Variants in FER1L6 observed in about 807,000 individuals in gnomAD.
FER1L6 encodes fer-1-like protein 6.
Under a neutral mutation model 219.2 loss-of-function variants are expected in FER1L6, and 177 were observed. The ratio of observed to expected loss-of-function variants is 0.81; its 90% CI spans 0.71 to 0.91. The LOEUF is 0.91. Among genes scored for constraint, FER1L6 ranks in the 40% least tolerant of loss-of-function variants. The pLI is 0.00. For synonymous variants in FER1L6, 768 were observed against 824.3 expected (o/e 0.93, Z 1.17); for missense variants, 2,153 against 2,259.9 (o/e 0.95, Z 0.96).
rs575255780 is a variant in FER1L6 at position 124,101,248 on chromosome 8, T to C, written c.5035T>C (p.Phe1679Leu). 6.2e-6 allele frequency: 10 copies of C among 1,613,926 alleles called. No homozygotes were observed. In the East Asian group the frequency reaches 2.2e-4, roughly 36 times the overall value. Residue 1679 changes from phenylalanine (F) to leucine (L), a missense_variant, in exon 38 of 41, where the codon TTC becomes CTC. Coordinates refer to ENST00000522917, the MANE Select transcript of FER1L6 (RefSeq NM_001039112.2). ...QMVITKRENI[F>L]SLEKMECKTP... is the part of the protein sequence containing the mutation. The stretch of plus-strand genomic sequence containing the variant: ...GGTCATTACCAAGAGGGAGAACATC[T>C]TCTCTTTAGAGAAGATGGAGTGTAA...
intron 37 of FER1L6, among the ~76,000 whole-genome samples, chr8:124,099,205 A>T (rs375052001): frequency 1.3e-5 from 2 of 152,328 alleles, no homozygotes; most frequent in South Asian, 2.1e-4. Context: ...ACTTCAGTTG[A>T]ATCAAGTAGT....
At chr8:123,976,510 A>T (rs185107740) in intron 9 of FER1L6, among the ~76,000 whole-genome samples, 4,593 of 141,190 alleles carry the variant, frequency 0.033, 156 homozygotes, top group African/African-American at 0.093. Context: ...CTCTGTCTTT[A>T]AAAAAAAAAA....
chr8:123,931,954 T>C (rs1813785995), intron 1 of FER1L6, among the ~76,000 whole-genome samples: 1 of 152,246 alleles, frequency 6.6e-6, no homozygotes, highest in South Asian at 2.1e-4. Context: ...AAAAGAAATC[T>C]TATCTGTAAC....
intron 12 of FER1L6, among the ~76,000 whole-genome samples, chr8:123,987,523 T>G (rs1378222270): frequency 1.3e-5 from 2 of 152,234 alleles, no homozygotes; most frequent in African/African-American, 2.4e-5. Context: ...GCTTTTTAAC[T>G]CGATGTGATC....
At chr8:124,099,083 G>A (rs1046865170) in intron 37 of FER1L6, among the ~76,000 whole-genome samples, 11 of 152,032 alleles carry the variant, frequency 7.2e-5, no homozygotes, top group Admixed American at 2.6e-4. Flanking sequence ...CTTCTTGTCC[G>A]TGTCCTTTGA....
chr8:124,119,977 G>T lies in FER1L6; in HGVS notation c.*187G>T. On this transcript the variant is annotated 3_prime_UTR_variant, in exon 41 of 41. Transcript: ENST00000522917. Reference sequence around the variant, plus strand: ...ACCCCTGCCTCCAAGTTTCAAACTTGTAAGGCATGTTTTATCCCTTGGGCA... The same window carrying T: ...ACCCCTGCCTCCAAGTTTCAAACTTTTAAGGCATGTTTTATCCCTTGGGCA... 1 of 557,986 alleles carries T rather than the reference G, an allele frequency of 1.8e-6. No homozygotes were observed. The highest frequency in any genetic ancestry group is 3.0e-6 in the Non-Finnish European group (1 of 334,960). 34.6% of individuals were successfully genotyped at this position (557,986 alleles called of 1,614,324 possible). A position where few individuals can be genotyped will look rare whatever the true frequency, so the allele number is the denominator to read the frequency against.
intron 16 of FER1L6, among the ~76,000 whole-genome samples, chr8:124,018,087 T>G (rs1166908599): frequency 6.6e-6 from 1 of 152,156 alleles, no homozygotes; most frequent in African/African-American, 2.4e-5. Context: ...TATTGAGAAT[T>G]GTGTTAAAAT....
chr8:123,981,944 A>G (rs1180019353), intron 11 of FER1L6, among the ~76,000 whole-genome samples: 3 of 152,152 alleles, frequency 2.0e-5, no homozygotes, highest in Non-Finnish European at 2.9e-5. Flanking sequence ...CAGTGTCGCT[A>G]TGGTTTTCTC....
At chr8:124,025,419 C>T (rs1818663064) in intron 18 of FER1L6, among the ~76,000 whole-genome samples, 1 of 152,084 alleles carries the variant, frequency 6.6e-6, no homozygotes, top group Non-Finnish European at 1.5e-5. Flanking sequence ...TTCCCAGTAC[C>T]ATTTATTGAT....
chr8:123,973,180 G>C lies in FER1L6; in HGVS notation c.448-254G>C, dbSNP rs192567562. ...AGAGATGGGTGTTGAAGGGTGAGCT[G>C]TACTCAGATTTATTTTGGTTAAAGG... On this transcript the variant is annotated intron_variant, in intron 6 of 40. Coordinates refer to ENST00000522917, the MANE Select transcript of FER1L6 (RefSeq NM_001039112.2). Among the ~76,000 whole-genome samples the C allele has an allele frequency of 2.3e-3, 349 of 152,304 alleles. 3 individuals carry two copies. Among genetic ancestry groups the C allele is most frequent in the Non-Finnish European group, 4.0e-3 (271 of 68,026 alleles).
In FER1L6 at chr8:124,095,148, T is replaced by G. The variant is rs1004611438; in HGVS notation, c.4695+110T>G. The G allele has an allele frequency of 2.1e-6, 3 of 1,408,244 alleles. No homozygotes were observed. The African/African-American group carries it at 4.3e-5, about 20-fold the overall frequency. 87.2% of individuals were successfully genotyped at this position (1,408,244 alleles called of 1,614,324 possible). ...TCCCTCAGGTACATTTAGCAATGTC[T>G]GGAATCATTTTGTGTTGTCACAAGT... On this transcript the variant is annotated intron_variant, in intron 35 of 40. Transcript: ENST00000522917.
At chr8:124,112,832 A>G (rs1328830576) in intron 39 of FER1L6, among the ~76,000 whole-genome samples, 1 of 152,216 alleles carries the variant, frequency 6.6e-6, no homozygotes, top group African/African-American at 2.4e-5. Flanking sequence ...TAGCAAGATC[A>G]GACAAGAGCA....
chr8:123,964,003 T>C (rs188374038), intron 3 of FER1L6, among the ~76,000 whole-genome samples: 15 of 152,336 alleles, frequency 9.8e-5, no homozygotes, highest in African/African-American at 3.6e-4. Flanking sequence ...AGTTGGCTGG[T>C]GGTAGCCTGG....
intron 16 of FER1L6, among the ~76,000 whole-genome samples, chr8:124,019,527 G>A (rs1422658894): frequency 6.6e-6 from 1 of 152,186 alleles, no homozygotes; most frequent in Admixed American, 6.5e-5. Flanking sequence ...ATAGTGCCTG[G>A]TGTATAACAT....
chr8:123,870,523 CA>C (rs778810131), intron 1 of FER1L6, among the ~76,000 whole-genome samples: 11 of 152,134 alleles, frequency 7.2e-5, no homozygotes, highest in Admixed American at 1.3e-4. Flanking sequence ...TATACATCTT[CA>C]ATGCATATTG....
intron 38 of FER1L6, 32 bp from the exon 39 acceptor site, chr8:124,103,114 C>T (rs1372547110): frequency 1.1e-5 from 18 of 1,592,114 alleles, no homozygotes; most frequent in Middle Eastern, 1.8e-4. Flanking sequence ...TTAGAAAATG[C>T]TTCCCTAACT....
chr8:124,083,442 T>A, intron 33 of FER1L6, among the ~76,000 whole-genome samples: 1 of 152,174 alleles, frequency 6.6e-6, no homozygotes, highest in Non-Finnish European at 1.5e-5. Flanking sequence ...CTTCTGCATA[T>A]GGATATCCAG....
chr8:124,046,164 T>A, intron 21 of FER1L6: 1 of 351,960 alleles, frequency 2.8e-6, no homozygotes, highest in Non-Finnish European at 5.2e-6. Flanking sequence ...AACGTCAGTC[T>A]ACACACTTCT....
intron 1 of FER1L6, among the ~76,000 whole-genome samples, chr8:123,940,752 G>A (rs1420899914): frequency 6.6e-6 from 1 of 152,132 alleles, no homozygotes; most frequent in Admixed American, 6.5e-5. Context: ...GATAATTGTA[G>A]GGCATCACCC....
Sources: gnomAD v4.1 joint callset for allele counts (sites outside exome capture counted in the v4.1 genomes callset) on GRCh38, gnomAD v4.1.1 for gene constraint, MANE v1.5 for transcripts, NCBI Gene and HGNC (gene_info 2026-07-23, HGNC 2026-07-21) for gene names.